ABCA12: variants seen among roughly 807,000 people sequenced by gnomAD.
ABCA12 encodes ATP binding cassette subfamily A member 12.
Under a neutral mutation model 293.5 loss-of-function variants are expected in ABCA12, and 156 were observed. The observed-to-expected ratio is 0.53, with a 90% CI of 0.47 to 0.61. ABCA12 has a LOEUF of 0.61. ABCA12 is among the 20% of genes least tolerant of loss of function. The pLI is 0.00. For synonymous variants in ABCA12, 1,063 were observed against 1,108.0 expected (o/e 0.96, Z 0.81); for missense variants, 2,797 against 3,090.2 (o/e 0.91, Z 2.25).
chr2:215,034,425 G>T (rs1306795810), intron 8 of ABCA12, among the ~76,000 whole-genome samples: 1 of 151,634 alleles, frequency 6.6e-6, no homozygotes, highest in Non-Finnish European at 1.5e-5. Context: ...GGAGAGGAAT[G>T]GGGGAAGGCA....
At chr2:214,936,191 A>G (rs577343330) in intron 51 of ABCA12, among the ~76,000 whole-genome samples, 12 of 152,256 alleles carry the variant, frequency 7.9e-5, no homozygotes, top group African/African-American at 2.9e-4. Flanking sequence ...CTAATTTTGT[A>G]CCACCCGATC....
At chr2:215,055,166 G>A (rs1159673731) in intron 3 of ABCA12, among the ~76,000 whole-genome samples, 1 of 152,082 alleles carries the variant, frequency 6.6e-6, no homozygotes, top group Non-Finnish European at 1.5e-5. Context: ...TGAATACCCA[G>A]TATGTGCCAG....
chr2:215,076,809 A>G (rs1392264338), intron 2 of ABCA12, among the ~76,000 whole-genome samples: 1 of 152,226 alleles, frequency 6.6e-6, no homozygotes, highest in Non-Finnish European at 1.5e-5. Flanking sequence ...GCCTAAATCA[A>G]TGGAGATAAA....
intron 1 of ABCA12, among the ~76,000 whole-genome samples, chr2:215,134,599 C>CTCTATA (rs1278151109): frequency 1.2e-4 from 10 of 85,250 alleles, no homozygotes; most frequent in African/African-American, 5.4e-4. Context: ...CTCTCTCTCT[C>CTCTATA]TATATATATA....
At chr2:215,126,898 GCT>G (rs1702937646) in intron 1 of ABCA12, among the ~76,000 whole-genome samples, 1 of 151,882 alleles carries the variant, frequency 6.6e-6, no homozygotes, top group Non-Finnish European at 1.5e-5. Flanking sequence ...GTCAATTTGT[GCT>G]CTTTCAGTCT....
chr2:215,137,037 CTTTT>C (rs892618023), intron 1 of ABCA12, among the ~76,000 whole-genome samples: 2 of 148,436 alleles, frequency 1.3e-5, no homozygotes, highest in African/African-American at 4.9e-5. Context: ...TTCTTCTGTG[CTTTT>C]TTTTTTCCAG....
chr2:215,011,758 A>G (rs1198796354), intron 16 of ABCA12, 109 bp from the exon 17 acceptor site: 9 of 1,215,926 alleles, frequency 7.4e-6, no homozygotes, highest in Non-Finnish European at 1.1e-5. Flanking sequence ...TACAGTTTCC[A>G]TAATTCCTTT....
chr2:215,039,143 T>C (rs888250302), intron 7 of ABCA12: 1 of 152,188 alleles, frequency 6.6e-6, no homozygotes, highest in African/African-American at 2.4e-5. Flanking sequence ...TCTCAACTTT[T>C]GAGATTGCTG....
At chr2:214,999,782 C>G (rs1346626495) in intron 22 of ABCA12, 2 of 984,510 alleles carry the variant, frequency 2.0e-6, no homozygotes, top group Non-Finnish European at 2.4e-6. Flanking sequence ...TTGATGGACT[C>G]CTTACCTGCT....
intron 31 of ABCA12, among the ~76,000 whole-genome samples, chr2:214,979,884 A>G (rs1191640376): frequency 3.9e-5 from 6 of 152,216 alleles, no homozygotes; most frequent in Non-Finnish European, 8.8e-5. Context: ...TAGCATATAC[A>G]TCTTGCACAG....
At chr2:214,935,880 G>C (rs1698203587) in intron 51 of ABCA12, among the ~76,000 whole-genome samples, 2 of 152,132 alleles carry the variant, frequency 1.3e-5, no homozygotes, top group Non-Finnish European at 2.9e-5. Flanking sequence ...AGAGGCTGAG[G>C]CAAAGGTATT....
At chr2:215,042,863 A>C (rs573851881) in intron 7 of ABCA12, among the ~76,000 whole-genome samples, 2 of 152,204 alleles carry the variant, frequency 1.3e-5, no homozygotes, top group East Asian at 3.9e-4. Context: ...CCTTTCACCC[A>C]ACCTCTGGTA....
intron 2 of ABCA12, among the ~76,000 whole-genome samples, chr2:215,095,358 T>G (rs1157012209): frequency 6.6e-6 from 1 of 152,168 alleles, no homozygotes; most frequent in Non-Finnish European, 1.5e-5. Context: ...GTTTTTCTCC[T>G]TCTCTTATTC....
intron 19 of ABCA12, among the ~76,000 whole-genome samples, chr2:215,005,056 T>C (rs1273354076): frequency 2.0e-5 from 3 of 152,222 alleles, no homozygotes; most frequent in Non-Finnish European, 2.9e-5. Context: ...TACCTAATAT[T>C]TGTTGAGCTT....
At position 214,942,986 on chromosome 2, in the gene ABCA12, A is replaced by G. The variant is rs1574926336; in HGVS notation, c.7375T>C (p.Leu2459=). Residue 2459 remains leucine (L), a synonymous_variant, in exon 50 of 53, where the codon TTG becomes CTG. Coordinates refer to ENST00000272895, the MANE Select transcript of ABCA12 (RefSeq NM_173076.3). Reference sequence around the variant, plus strand: ...AACTTTCCATTCACCATAATGGCCAACCTGGTACAGAGAGCTTCACATTCT... The same window carrying G: ...AACTTTCCATTCACCATAATGGCCAGCCTGGTACAGAGAGCTTCACATTCT... ...MEECEALCTR[L]AIMVNGKFQC... The G allele has an allele frequency of 6.2e-7, 1 of 1,613,514 alleles. No individual in the cohort carries two copies. The highest frequency in any genetic ancestry group is 1.1e-5 in the South Asian group (1 of 91,086).
intron 1 of ABCA12, among the ~76,000 whole-genome samples, chr2:215,126,838 G>A (rs1702934301): frequency 6.6e-6 from 1 of 151,780 alleles, no homozygotes; most frequent in Admixed American, 6.6e-5. Flanking sequence ...GTTGGGTTTT[G>A]GTTTGGTTTG....
At chr2:214,995,478 T>C (rs530350281) in intron 23 of ABCA12, among the ~76,000 whole-genome samples, 13 of 152,316 alleles carry the variant, frequency 8.5e-5, no homozygotes, top group African/African-American at 2.9e-4. Context: ...AGCTATGATC[T>C]GGAAGAGGAT....
intron 23 of ABCA12, among the ~76,000 whole-genome samples, chr2:214,994,031 A>G (rs1012991692): frequency 2.3e-4 from 35 of 152,118 alleles, no homozygotes; most frequent in African/African-American, 8.4e-4. Context: ...AAAAGCATTC[A>G]CTATTTAACA....
chr2:215,090,004 C>G (rs1056871216), intron 2 of ABCA12, among the ~76,000 whole-genome samples: 1 of 152,164 alleles, frequency 6.6e-6, no homozygotes, highest in African/African-American at 2.4e-5. Flanking sequence ...TGAAGAACCA[C>G]AAAAGAAGTG....
Sources: allele counts gnomAD v4.1 joint callset (sites outside exome capture counted in the v4.1 genomes callset), GRCh38; gene constraint gnomAD v4.1.1; transcripts MANE v1.5; gene names NCBI Gene and HGNC (gene_info 2026-07-23, HGNC 2026-07-21).